RAP1GDS1: variants seen among roughly 807,000 people sequenced by gnomAD.
RAP1GDS1 encodes RAP1, GTP-GDP dissociation stimulator 1.
A neutral mutation model predicts 71.1 loss-of-function variants in RAP1GDS1; 35 were observed. The ratio of observed to expected loss-of-function variants is 0.49; its 90% CI spans 0.38 to 0.65. The LOEUF is 0.65. RAP1GDS1 is among the 30% of genes least tolerant of loss of function. The pLI is 0.00. For missense variants in RAP1GDS1, 663 were observed against 706.1 expected (o/e 0.94, Z 0.69); for synonymous variants, 229 against 243.1 (o/e 0.94, Z 0.54).
intron 2 of RAP1GDS1, among the ~76,000 whole-genome samples, chr4:98,317,689 T>C (rs1229961007): frequency 6.6e-6 from 1 of 152,052 alleles, no homozygotes; most frequent in Non-Finnish European, 1.5e-5. Context: ...CATGGAACCT[T>C]AAGTGGCCAC....
At chr4:98,378,039 T>C (rs1000254043) in intron 4 of RAP1GDS1, among the ~76,000 whole-genome samples, 11 of 151,868 alleles carry the variant, frequency 7.2e-5, no homozygotes, top group Non-Finnish European at 1.3e-4. Flanking sequence ...GAATAAAATA[T>C]TACTAAAATT....
At chr4:98,379,245 G>A in intron 5 of RAP1GDS1, 82 bp downstream of exon 5, 1 of 1,214,414 alleles carries the variant, frequency 8.2e-7, no homozygotes, top group Non-Finnish European at 1.1e-6. Context: ...AAAAATATTT[G>A]AAAAATGATG....
At chr4:98,305,346 T>C (rs969388762) in intron 2 of RAP1GDS1, among the ~76,000 whole-genome samples, 2 of 152,188 alleles carry the variant, frequency 1.3e-5, no homozygotes, top group Non-Finnish European at 1.5e-5. Flanking sequence ...TCTGATTTCC[T>C]TGAGCAGTCA....
chr4:98,416,617 T>C (rs1259979468), intron 7 of RAP1GDS1, 128 bp from the exon 8 acceptor site: 3 of 793,860 alleles, frequency 3.8e-6, no homozygotes, highest in Non-Finnish European at 5.5e-6. Context: ...CCCAAAGTGC[T>C]GGGATTACAG....
chr4:98,356,369 A>G (rs993946884), intron 4 of RAP1GDS1, among the ~76,000 whole-genome samples: 3 of 152,064 alleles, frequency 2.0e-5, no homozygotes, highest in African/African-American at 4.8e-5. Context: ...TAAATTGCTG[A>G]TATACTTAAA....
chr4:98,301,006 T>C (rs1217084855), intron 2 of RAP1GDS1, among the ~76,000 whole-genome samples: 1 of 147,940 alleles, frequency 6.8e-6, no homozygotes, highest in East Asian at 2.0e-4. Flanking sequence ...TTATCAACTG[T>C]TTTTTTTTTC....
At chr4:98,407,414 T>C (rs1472179019) in intron 7 of RAP1GDS1, among the ~76,000 whole-genome samples, 3 of 152,062 alleles carry the variant, frequency 2.0e-5, no homozygotes, top group Non-Finnish European at 4.4e-5. Context: ...AAAGATAGGG[T>C]ATCAACCTAA....
rs766433411 is a variant in RAP1GDS1 at position 98,418,637 on chromosome 4, ATG to A, written c.1040-14_1040-13del. On this transcript the variant is annotated intron_variant, in intron 9 of 14. Coordinates refer to ENST00000408927, the MANE Select transcript of RAP1GDS1 (RefSeq NM_001100427.2). ...AGATATTTTAAAGAGGAAGAAAAAG[ATG>A]TGTGTTTTTTTTTTCAGATGCAAAT... The A allele has an allele frequency of 8.9e-6, 14 of 1,577,732 alleles. No individual in the cohort carries two copies. The Middle Eastern group carries it at 5.1e-4, about 57-fold the overall frequency.
chr4:98,330,841 A>C (rs985649584), intron 2 of RAP1GDS1, among the ~76,000 whole-genome samples: 1 of 151,782 alleles, frequency 6.6e-6, no homozygotes, highest in African/African-American at 2.4e-5. Context: ...GGGGCTCCTC[A>C]CATCCCAGAC....
chr4:98,312,840 C>T lies in RAP1GDS1; in HGVS notation c.112+19325C>T, dbSNP rs564281068. ...ATCCCAGCACTTTGGGAGGCTGAGG[C>T]GGGTGGATCGCAAGGTCAGGAGATC... On this transcript the variant is annotated intron_variant, in intron 2 of 14. Coordinates refer to ENST00000408927, the MANE Select transcript of RAP1GDS1 (RefSeq NM_001100427.2). Among the ~76,000 whole-genome samples, 5 of 151,484 alleles carry T rather than the reference C, an allele frequency of 3.3e-5. No homozygotes were observed. In the South Asian group the frequency reaches 8.4e-4, roughly 25 times the overall value.
chr4:98,333,119 A>AT (rs925137141), intron 2 of RAP1GDS1, among the ~76,000 whole-genome samples: 7 of 151,906 alleles, frequency 4.6e-5, no homozygotes, highest in African/African-American at 9.7e-5. Flanking sequence ...CATACCTGTA[A>AT]TTTTTTTAAT....
intron 12 of RAP1GDS1, among the ~76,000 whole-genome samples, chr4:98,431,486 C>A (rs1750405137): frequency 6.6e-6 from 1 of 152,052 alleles, no homozygotes; most frequent in Admixed American, 6.6e-5. Context: ...TTATATATAC[C>A]AAAATTTAGC....
intron 6 of RAP1GDS1, among the ~76,000 whole-genome samples, chr4:98,394,234 A>G (rs1301053486): frequency 6.6e-6 from 1 of 152,176 alleles, no homozygotes; most frequent in Non-Finnish European, 1.5e-5. Context: ...ATGCTTCAAC[A>G]TTAGGAACTG....
At chr4:98,294,464 G>A (rs960149934) in intron 2 of RAP1GDS1, among the ~76,000 whole-genome samples, 1 of 151,804 alleles carries the variant, frequency 6.6e-6, no homozygotes, top group Non-Finnish European at 1.5e-5. Flanking sequence ...TTATTTTTCA[G>A]TAATTATTTT....
chr4:98,413,971 G>A (rs1286708242), intron 7 of RAP1GDS1, among the ~76,000 whole-genome samples: 1 of 152,034 alleles, frequency 6.6e-6, no homozygotes, highest in Non-Finnish European at 1.5e-5. Flanking sequence ...GATGGCCAGT[G>A]ATGATGAGCA....
At chr4:98,348,070 C>T (rs1736564109) in intron 3 of RAP1GDS1, among the ~76,000 whole-genome samples, 1 of 152,172 alleles carries the variant, frequency 6.6e-6, no homozygotes, top group Non-Finnish European at 1.5e-5. Flanking sequence ...CACCCATTAA[C>T]TCGTCATTTA....
chr4:98,315,693 A>T (rs926937751), intron 2 of RAP1GDS1, among the ~76,000 whole-genome samples: 1 of 152,164 alleles, frequency 6.6e-6, no homozygotes, highest in African/African-American at 2.4e-5. Flanking sequence ...ATAAGGGATC[A>T]TATTATCAAA....
chr4:98,296,368 A>G (rs1279426225), intron 2 of RAP1GDS1, among the ~76,000 whole-genome samples: 1 of 152,048 alleles, frequency 6.6e-6, no homozygotes, highest in Non-Finnish European at 1.5e-5. Flanking sequence ...TTTTACTTTG[A>G]TGTATGGCTT....
At chr4:98,392,379 C>T (rs1312438771) in intron 6 of RAP1GDS1, 1 of 212,092 alleles carries the variant, frequency 4.7e-6, no homozygotes, top group Non-Finnish European at 9.3e-6. Context: ...TGACTTTAAT[C>T]TTTTTACATG....
Sources: gnomAD v4.1 joint callset for allele counts (sites outside exome capture counted in the v4.1 genomes callset) on GRCh38, gnomAD v4.1.1 for gene constraint, MANE v1.5 for transcripts, NCBI Gene and HGNC (gene_info 2026-07-23, HGNC 2026-07-21) for gene names.